HSPG2: variants seen among roughly 807,000 people sequenced by gnomAD.
HSPG2 encodes the protein heparan sulfate proteoglycan 2.
HSPG2 carries 278 observed loss-of-function variants against 526.6 expected under a neutral mutation model. The ratio of observed to expected loss-of-function variants is 0.53; its 90% CI spans 0.48 to 0.58. HSPG2 has a LOEUF of 0.58. Ranked by LOEUF, HSPG2 falls within the 20% of genes least tolerant of loss-of-function variation. The pLI is 0.00. For missense variants in HSPG2, 5,354 were observed against 6,099.5 expected (o/e 0.88, Z 4.07); for synonymous variants, 2,465 against 2,555.4 (o/e 0.96, Z 1.07).
chr1:21,852,209 T>C lies in HSPG2; in HGVS notation c.6749A>G (p.Glu2250Gly). Reference sequence around the variant, plus strand: ...CTCGGCCACTGTGGAGGATGAAGACTCGATCCTGACAGGTGGGATGGGTCC... The same window carrying C: ...CTCGGCCACTGTGGAGGATGAAGACCCGATCCTGACAGGTGGGATGGGTCC... ...IPGPIPPVRI[E>G]SSSSTVAEGQ... The change falls in exon 53 of 97, where the codon GAG (glutamate) becomes GGG (glycine). Residue 2250 changes from glutamate (E) to glycine (G), a missense_variant. Glu to Gly is a moderately conservative substitution (Grantham distance 98). Coordinates refer to ENST00000374695, the MANE Select transcript of HSPG2 (RefSeq NM_005529.7). 6.2e-7 allele frequency: 1 copy of C among 1,614,068 alleles called. No homozygotes were observed. Among genetic ancestry groups the C allele is most frequent in the Admixed American group, 1.7e-5 (1 of 60,028 alleles).
intron 1 of HSPG2, among the ~76,000 whole-genome samples, chr1:21,928,344 G>A (rs998618989): frequency 8.5e-5 from 13 of 152,374 alleles, no homozygotes; most frequent in Non-Finnish European, 1.5e-4. Flanking sequence ...CCAAGTGCAG[G>A]GGCCAGAGCA....
At position 21,893,890 on chromosome 1, in the gene HSPG2, CA is replaced by C. The variant is rs1484050678; in HGVS notation, c.244+2031del. ...AGGGAAAAAGAAAAAAAAAAAAGAACAGGCAGAGGGGAGAGAGGGAAAGACA... is the reference window on the plus strand; with the variant it reads ...AGGGAAAAAGAAAAAAAAAAAAGAACGGCAGAGGGGAGAGAGGGAAAGACA... On this transcript the variant is annotated intron_variant, in intron 3 of 96. Transcript: ENST00000374695. This position sits in a 1 kb window ranked among gnomAD's most constrained non-coding sequence, Gnocchi z 4.3. 6.7e-6 allele frequency among the ~76,000 whole-genome samples: 1 copy of C among 148,634 alleles called. No homozygotes were observed. Among genetic ancestry groups the C allele is most frequent in the Admixed American group, 6.7e-5 (1 of 14,994 alleles).
At chr1:21,905,823 C>T (rs1643350356) in intron 1 of HSPG2, among the ~76,000 whole-genome samples, 1 of 152,176 alleles carries the variant, frequency 6.6e-6, no homozygotes, top group African/African-American at 2.4e-5. Context: ...CCAGCCTGGA[C>T]AACATAGTGA....
At chr1:21,826,061 G>A (rs2097972834) in intron 91 of HSPG2, among the ~76,000 whole-genome samples, 2 of 151,844 alleles carry the variant, frequency 1.3e-5, no homozygotes, top group South Asian at 4.2e-4. Flanking sequence ...GGGATGACAG[G>A]TGTGAGCCAC....
chr1:21,841,889 G>A, intron 69 of HSPG2, 113 bp downstream of exon 69: 1 of 1,467,084 alleles, frequency 6.8e-7, no homozygotes, highest in Non-Finnish European at 9.4e-7. Flanking sequence ...CTTACTCAGG[G>A]CCACACCATG....
chr1:21,842,203 C>T, intron 68 of HSPG2, 36 bp downstream of exon 68: 2 of 1,612,848 alleles, frequency 1.2e-6, no homozygotes, highest in Non-Finnish European at 1.7e-6. Context: ...CAGGGCCCTC[C>T]CTTCCCCCCT....
chr1:21,846,088 C>T lies in HSPG2; in HGVS notation c.8464+20G>A. 1 of 1,611,870 alleles carries T rather than the reference C, an allele frequency of 6.2e-7. No homozygotes were observed. The highest frequency in any genetic ancestry group is 8.5e-7 in the Non-Finnish European group (1 of 1,179,964). On this transcript the variant is annotated intron_variant, in intron 64 of 96. Coordinates refer to ENST00000374695, the MANE Select transcript of HSPG2 (RefSeq NM_005529.7). ...TTCCTCCCTCCCCCGGCCTTCCCGTCCCACTGCAGGGACCCTCACCGGGGA... is the reference window on the plus strand; with the variant it reads ...TTCCTCCCTCCCCCGGCCTTCCCGTTCCACTGCAGGGACCCTCACCGGGGA...
In HSPG2 at chr1:21,839,072, G is replaced by GGCA. The variant is rs1345312289; in HGVS notation, c.9900_9902dup (p.Ala3301dup). 2 of 1,584,526 alleles carry GGCA rather than the reference G, an allele frequency of 1.3e-6. No homozygotes were observed. The highest frequency in any genetic ancestry group is 1.7e-5 in the Admixed American group (1 of 58,854). ...CCGAAGCGTGCTCTGGGACCGTGGT[G>GGCA]GCATATGGTGGGCCTGAGTGGGGGG... is the stretch of plus-strand genomic sequence containing the variant. On this transcript the variant is annotated inframe_insertion, in exon 74 of 97. Transcript: ENST00000374695. The surrounding 1 kb of genome is among the most constrained non-coding windows in gnomAD (Gnocchi z 4.5).
chr1:21,911,395 C>T (rs1223695662), intron 1 of HSPG2, among the ~76,000 whole-genome samples: 1 of 152,046 alleles, frequency 6.6e-6, no homozygotes, highest in African/African-American at 2.4e-5. Flanking sequence ...CTCTGGCCCT[C>T]CTCTGTCACC....
In HSPG2 at chr1:21,836,890, C is replaced by G. The variant is rs765635149; in HGVS notation, c.10267G>C (p.Val3423Leu). 1 of 1,571,934 alleles carries G rather than the reference C, an allele frequency of 6.4e-7. No homozygotes were observed. Among genetic ancestry groups the G allele is most frequent in the Non-Finnish European group, 8.6e-7 (1 of 1,158,490 alleles). ...AGCTGGGTACCCCGGTCGCTGGGCA[C>G]AGCACAGTGGAACTCAACGCTGGCC... ...IGASVEFHCA[V>L]PSDRGTQLRW... The change falls in exon 75 of 97, where the codon GTG (valine) becomes CTG (leucine). Residue 3423 changes from valine (V) to leucine (L), a missense_variant. Coordinates refer to ENST00000374695, the MANE Select transcript of HSPG2 (RefSeq NM_005529.7).
chr1:21,906,628 T>C (rs1643391988), intron 1 of HSPG2, among the ~76,000 whole-genome samples: 1 of 148,452 alleles, frequency 6.7e-6, no homozygotes, highest in Non-Finnish European at 1.5e-5. Context: ...CGGATGGGAA[T>C]AGGCGCGGGG....
Position 21,836,861 on chromosome 1 carries a change from A to G in HSPG2, c.10296T>C (p.Arg3432=), listed in dbSNP as rs560947176. The change falls in exon 75 of 97, where the codon CGT becomes CGC. Residue 3432 remains arginine, a synonymous_variant. Coordinates refer to ENST00000374695, the MANE Select transcript of HSPG2 (RefSeq NM_005529.7). ...GCAGCTGACCCCCTTCCTTGAACCA[A>G]CGGAGCTGGGTACCCCGGTCGCTGG... ...AVPSDRGTQL[R]WFKEGGQLPP... The G allele has an allele frequency of 1.9e-6, 3 of 1,581,612 alleles. No homozygotes were observed. In the East Asian group the frequency reaches 6.9e-5, roughly 37 times the overall value.
In HSPG2 at chr1:21,838,879, G is replaced by A. The variant is rs139956831; in HGVS notation, c.10096C>T (p.Arg3366Trp). 7.6e-5 allele frequency: 123 copies of A among 1,612,520 alleles called. No individual in the cohort carries two copies. The Middle Eastern group carries it at 9.9e-4, about 13-fold the overall frequency. The change falls in exon 74 of 97, where the codon CGG (arginine) becomes TGG (tryptophan). Residue 3366 changes from arginine to tryptophan, a missense_variant. Arg to Trp is a moderately radical substitution (Grantham distance 101). Coordinates refer to ENST00000374695, the MANE Select transcript of HSPG2 (RefSeq NM_005529.7). ...GCTGAGCCCACCTTGTTGGTGACCCGGCAGCGGTAGCGGCCTGAGTCCTCA... is the reference window on the plus strand; with the variant it reads ...GCTGAGCCCACCTTGTTGGTGACCCAGCAGCGGTAGCGGCCTGAGTCCTCA... ...APEDSGRYRC[R>W]VTNKVGSAEA... is the part of the protein sequence containing the mutation.
chr1:21,886,616 C>T (rs188447397), intron 9 of HSPG2, among the ~76,000 whole-genome samples: 1 of 152,230 alleles, frequency 6.6e-6, no homozygotes, highest in South Asian at 2.1e-4. Flanking sequence ...TGTCAGGATG[C>T]CCGTAATGTC....
chr1:21,935,924 G>C (rs1047916750), intron 1 of HSPG2, among the ~76,000 whole-genome samples: 3 of 152,082 alleles, frequency 2.0e-5, no homozygotes, highest in Non-Finnish European at 2.9e-5. Context: ...TGGGTGGGTG[G>C]GGCAAGAGCA....
In HSPG2 at chr1:21,858,296, C is replaced by A. The variant is rs1639502877; in HGVS notation, c.5294-911G>T. ...TGAAAGCCCTTTTCCCTCTGATTCC[C>A]ATGATGCCCCCTGTCTCTTCCTGCC... is the stretch of plus-strand genomic sequence containing the variant. On this transcript the variant is annotated intron_variant, in intron 42 of 96. Transcript: ENST00000374695. The surrounding 1 kb of genome is among the most constrained non-coding windows in gnomAD (Gnocchi z 4.2). 6.6e-6 allele frequency among the ~76,000 whole-genome samples: 1 copy of A among 152,204 alleles called. No individual in the cohort carries two copies. Among genetic ancestry groups the A allele is most frequent in the Non-Finnish European group, 1.5e-5 (1 of 68,046 alleles).
rs781512886 is a variant in HSPG2, at chr1:21,852,247, G to A, written c.6725-14C>T. 2 of 1,613,884 alleles carry A rather than the reference G, an allele frequency of 1.2e-6. No homozygotes were observed. Among genetic ancestry groups the A allele is most frequent in the Non-Finnish European group, 1.7e-6 (2 of 1,179,956 alleles). ...GTGGGATGGGTCCTGCAGCAGTGGG[G>A]ATGGGAGTGAGAGTTGTAGATGCTC... On this transcript the variant is annotated splice_polypyrimidine_tract_variant and intron_variant, in intron 52 of 96. Transcript: ENST00000374695.
intron 1 of HSPG2, among the ~76,000 whole-genome samples, chr1:21,928,116 G>A (rs1274056961): frequency 6.6e-6 from 1 of 152,252 alleles, no homozygotes; most frequent in Non-Finnish European, 1.5e-5. Context: ...GCTCAGAGAG[G>A]TAAAGCAACT....
Position 21,844,193 on chromosome 1 carries a change from C to G in HSPG2, c.8571G>C (p.Gln2857His). Reference protein sequence around the residue: ...KCVVPGQAHAQVTWHKRGGNL... With the variant: ...KCVVPGQAHAHVTWHKRGGNL... ...TTCCTCCACGCTTGTGCCACGTGAC[C>G]TGGGCGTGGGCCTGCCCGGGCACCA... Residue 2857 changes from glutamine (Q) to histidine (H), a missense_variant, in exon 65 of 97, where the codon CAG becomes CAC. Coordinates refer to ENST00000374695, the MANE Select transcript of HSPG2 (RefSeq NM_005529.7). The G allele has an allele frequency of 6.2e-7, 1 of 1,613,812 alleles. No individual in the cohort carries two copies. Among genetic ancestry groups the G allele is most frequent in the Admixed American group, 1.7e-5 (1 of 60,026 alleles).
Sources: allele counts gnomAD v4.1 joint callset (sites outside exome capture counted in the v4.1 genomes callset), GRCh38; gene constraint gnomAD v4.1.1; non-coding constraint Gnocchi (gnomAD v3.1); transcripts MANE v1.5; gene names NCBI Gene and HGNC (gene_info 2026-07-23, HGNC 2026-07-21).